CSMD3: variants seen among roughly 807,000 people sequenced by gnomAD.
CSMD3 encodes CUB and sushi domain-containing protein 3.
Under a neutral mutation model 435.2 loss-of-function variants are expected in CSMD3, and 177 were observed. That is an observed-to-expected ratio of 0.41 (90% confidence interval 0.36 to 0.46). The LOEUF (loss-of-function observed/expected upper bound fraction) is 0.46, where lower values mean the gene tolerates loss of function less well. CSMD3 is among the 20% of genes least tolerant of loss of function. The pLI, the probability that CSMD3 is intolerant of heterozygous loss-of-function variation, is 0.34. For missense variants in CSMD3, 4,265 were observed against 4,504.6 expected, an observed-to-expected ratio of 0.95 and a Z score of 1.52; for synonymous variants, 1,656 against 1,520.5, an observed-to-expected ratio of 1.09 and a Z score of -2.07.
chr8:112,687,981 G>A (rs2076048410), intron 14 of CSMD3, among the ~76,000 whole-genome samples: 1 of 152,026 alleles, frequency 6.6e-6, no homozygotes, highest in Non-Finnish European at 1.5e-5. Context: ...TAAATTAAGG[G>A]TCGGAAATCT....
intron 38 of CSMD3, among the ~76,000 whole-genome samples, chr8:112,369,286 ATTTG>A (rs1828091165): frequency 6.6e-6 from 1 of 152,146 alleles, no homozygotes; most frequent in Non-Finnish European, 1.5e-5. Context: ...AAACTTTTAG[ATTTG>A]TTTAATGCTT....
intron 13 of CSMD3, among the ~76,000 whole-genome samples, chr8:112,693,639 T>A (rs527929177): frequency 6.6e-6 from 1 of 152,114 alleles, no homozygotes; most frequent in African/African-American, 2.4e-5. Flanking sequence ...AAATCTATTT[T>A]TTCTACTAGG....
At chr8:112,576,940 GAA>G (rs1211045055) in intron 23 of CSMD3, among the ~76,000 whole-genome samples, 2 of 151,790 alleles carry the variant, frequency 1.3e-5, no homozygotes, top group Non-Finnish European at 2.9e-5. Flanking sequence ...TTTCAGGAAA[GAA>G]AAATTATTTT....
At chr8:112,990,105 G>T (rs2085397566) in intron 6 of CSMD3, among the ~76,000 whole-genome samples, 1 of 151,920 alleles carries the variant, frequency 6.6e-6, no homozygotes, top group Non-Finnish European at 1.5e-5. Context: ...GTGGAAATGT[G>T]AGTCAATTAA....
At chr8:112,477,728 T>A (rs1193396922) in intron 31 of CSMD3, among the ~76,000 whole-genome samples, 2 of 152,212 alleles carry the variant, frequency 1.3e-5, no homozygotes, top group South Asian at 2.1e-4. Flanking sequence ...CCATGCTTCT[T>A]GTACATCCTG....
At chr8:113,243,108 T>C (rs2093237527) in intron 3 of CSMD3, among the ~76,000 whole-genome samples, 1 of 149,426 alleles carries the variant, frequency 6.7e-6, no homozygotes, top group Admixed American at 7.5e-5. Flanking sequence ...TTTGCATATT[T>C]CTTCATCTCT....
At chr8:112,636,774 A>G (rs959614125) in intron 22 of CSMD3, 43 bp downstream of exon 22, 1 of 1,490,658 alleles carries the variant, frequency 6.7e-7, no homozygotes, top group South Asian at 1.1e-5. Context: ...CTCCATGGAC[A>G]GTGACTACAC....
At position 112,516,914 on chromosome 8, in the gene CSMD3, C is replaced by G; in HGVS notation, c.4756+120G>C. 3 of 752,998 alleles carry G rather than the reference C, an allele frequency of 4.0e-6. No individual in the cohort carries two copies. In the South Asian group the frequency reaches 4.9e-5, roughly 12 times the overall value. 46.6% of individuals were successfully genotyped at this position (752,998 alleles called of 1,614,324 possible). A position where few individuals can be genotyped will look rare whatever the true frequency, so the allele number is the denominator to read the frequency against. On this transcript the variant is annotated intron_variant, in intron 28 of 70. Coordinates refer to ENST00000297405, the MANE Select transcript of CSMD3 (RefSeq NM_198123.2). ...TGTACATTCTGCGGAGGTTAATAAT[C>G]CTCTGAAATCTTAGACTCTCATATA...
intron 53 of CSMD3, among the ~76,000 whole-genome samples, chr8:112,299,348 T>A (rs998395997): frequency 9.2e-5 from 14 of 152,104 alleles, no homozygotes; most frequent in Non-Finnish European, 1.9e-4. Flanking sequence ...CTTCACTACA[T>A]ACAAATTTTG....
chr8:113,210,123 G>A (rs1202618610), intron 3 of CSMD3, among the ~76,000 whole-genome samples: 7 of 151,440 alleles, frequency 4.6e-5, no homozygotes, highest in Non-Finnish European at 8.8e-5. Flanking sequence ...TTCAGCTACT[G>A]GAAGTATCAT....
chr8:112,383,527 T>G (rs1413294427), intron 37 of CSMD3, 40 bp downstream of exon 37: 2 of 1,100,190 alleles, frequency 1.8e-6, no homozygotes, highest in Admixed American at 3.4e-5. Flanking sequence ...ATATTCCTAA[T>G]TATATCTGTA....
intron 31 of CSMD3, among the ~76,000 whole-genome samples, chr8:112,486,459 G>C (rs1263083200): frequency 6.6e-6 from 1 of 151,946 alleles, no homozygotes. Context: ...TGGCATTATG[G>C]TGAAACACAA....
chr8:112,682,571 A>T lies in CSMD3; in HGVS notation c.2548T>A (p.Phe850Ile), dbSNP rs1314087757. 6.2e-7 allele frequency: 1 copy of T among 1,613,710 alleles called. No homozygotes were observed. The highest frequency in any genetic ancestry group is 8.5e-7 in the Non-Finnish European group (1 of 1,179,764). The change falls in exon 16 of 71, where the codon TTT becomes ATT. Residue 850 changes from phenylalanine to isoleucine, a missense_variant. Coordinates refer to ENST00000297405, the MANE Select transcript of CSMD3 (RefSeq NM_198123.2). ...PINARRFGDN[F>I]QLGSSISVIC... The stretch of plus-strand genomic sequence containing the variant: ...ACTGAAATTGAACTTCCTAATTGAA[A>T]GTTGTCCCCAAACCGCCGTGCATTG...
intron 32 of CSMD3, among the ~76,000 whole-genome samples, chr8:112,424,493 G>T (rs576625575): frequency 6.6e-6 from 1 of 152,166 alleles, no homozygotes; most frequent in South Asian, 2.1e-4. Flanking sequence ...AACACAAATG[G>T]ATCTTTTTAA....
At chr8:113,156,769 TAAATAAATA>T (rs2091940732) in intron 4 of CSMD3, among the ~76,000 whole-genome samples, 1 of 148,758 alleles carries the variant, frequency 6.7e-6, no homozygotes, top group African/African-American at 2.5e-5. Context: ...AATAAATAAA[TAAATAAATA>T]AAGTTAGCCA....
At chr8:112,518,974 C>G (rs1243770443) in intron 27 of CSMD3, among the ~76,000 whole-genome samples, 2 of 152,042 alleles carry the variant, frequency 1.3e-5, no homozygotes, top group African/African-American at 4.8e-5. Flanking sequence ...CATGAGAACA[C>G]ACTCTCTATC....
At chr8:113,112,543 T>C (rs902098091) in intron 4 of CSMD3, among the ~76,000 whole-genome samples, 2 of 149,974 alleles carry the variant, frequency 1.3e-5, no homozygotes, top group Non-Finnish European at 3.0e-5. Context: ...TATTTTGTGT[T>C]GCAACTCCAG....
chr8:112,398,137 C>T (rs1428860240), intron 35 of CSMD3, among the ~76,000 whole-genome samples: 1 of 152,070 alleles, frequency 6.6e-6, no homozygotes, highest in Non-Finnish European at 1.5e-5. Flanking sequence ...TTAAGCAGGA[C>T]CAAAACCTTA....
chr8:113,297,744 AT>A (rs1416343666), intron 2 of CSMD3, among the ~76,000 whole-genome samples: 1 of 152,064 alleles, frequency 6.6e-6, no homozygotes, highest in Non-Finnish European at 1.5e-5. Context: ...TTAATTAGTT[AT>A]ATATTTACTT....
Sources: gnomAD v4.1 joint callset for allele counts (sites outside exome capture counted in the v4.1 genomes callset) on GRCh38, gnomAD v4.1.1 for gene constraint, MANE v1.5 for transcripts, NCBI Gene and HGNC (gene_info 2026-07-23, HGNC 2026-07-21) for gene names.